HS6ST3: variants seen among roughly 807,000 people sequenced by gnomAD.
HS6ST3 encodes the protein heparan sulfate 6-O-sulfotransferase 3.
In HS6ST3, 12 loss-of-function variants were observed where a neutral mutation model predicts 36.7. The ratio of observed to expected loss-of-function variants is 0.33; its 90% CI spans 0.21 to 0.53. The LOEUF is 0.53. HS6ST3 is among the 20% of genes least tolerant of loss of function. HS6ST3 has a pLI of 0.95. For synonymous variants in HS6ST3, 240 were observed against 257.5 expected (o/e 0.93, Z 0.65); for missense variants, 584 against 640.9 (o/e 0.91, Z 0.96).
At chr13:96,599,066 G>C (rs899049920) in intron 1 of HS6ST3, among the ~76,000 whole-genome samples, 1 of 152,198 alleles carries the variant, frequency 6.6e-6, no homozygotes, top group East Asian at 1.9e-4. Flanking sequence ...GATTCAGTTT[G>C]CTAGTATTTT....
chr13:96,750,935 T>C (rs1047245260), intron 1 of HS6ST3, among the ~76,000 whole-genome samples: 1 of 152,212 alleles, frequency 6.6e-6, no homozygotes, highest in African/African-American at 2.4e-5. Flanking sequence ...TCATACACTA[T>C]AGAGAATATA....
intron 1 of HS6ST3, among the ~76,000 whole-genome samples, chr13:96,192,263 A>G (rs2054291690): frequency 6.6e-6 from 1 of 152,180 alleles, no homozygotes; most frequent in Non-Finnish European, 1.5e-5. Context: ...ATATATGTTG[A>G]CCAAATATGA....
rs548223156 is a variant in HS6ST3, at chr13:96,215,626, T to TA, written c.707+124064dup. Among the ~76,000 whole-genome samples, 16 of 152,310 alleles carry TA rather than the reference T, an allele frequency of 1.1e-4. No homozygotes were observed. The South Asian group carries it at 3.1e-3, about 30-fold the overall frequency. On this transcript the variant is annotated intron_variant, in intron 1 of 1. Coordinates refer to ENST00000376705, the MANE Select transcript of HS6ST3 (RefSeq NM_153456.4). ...TTTGTAGTTTCAATTTCTTTGTTGT[T>TA]AAAAAAAGCTTTTTTTCTGTTGAAT...
At chr13:96,240,410 G>A (rs961607737) in intron 1 of HS6ST3, among the ~76,000 whole-genome samples, 2 of 152,188 alleles carry the variant, frequency 1.3e-5, no homozygotes, top group Non-Finnish European at 2.9e-5. Flanking sequence ...CTATTGCTAA[G>A]AATGGTGGCT....
At chr13:96,691,739 G>T (rs1874966267) in intron 1 of HS6ST3, among the ~76,000 whole-genome samples, 1 of 151,916 alleles carries the variant, frequency 6.6e-6, no homozygotes, top group Admixed American at 6.6e-5. Flanking sequence ...AAGATAAATA[G>T]CAAATTTGGA....
chr13:96,674,010 C>T (rs2056690845), intron 1 of HS6ST3, among the ~76,000 whole-genome samples: 2 of 152,082 alleles, frequency 1.3e-5, no homozygotes, highest in Non-Finnish European at 2.9e-5. Flanking sequence ...AAGCCAATCA[C>T]AATGTGAGTC....
rs192692988 is a variant in HS6ST3, at chr13:96,489,943, A to C, written c.708-342547A>C. ...TGCCCTCTTCCTTCTTATGTGCAAA[A>C]ATAAATTTCATTCTATTTTCTTATG... On this transcript the variant is annotated intron_variant, in intron 1 of 1. Transcript: ENST00000376705. 1.8e-4 allele frequency among the ~76,000 whole-genome samples: 28 copies of C among 152,184 alleles called. 1 individual carries two copies. In the East Asian group the frequency reaches 5.0e-3, roughly 27 times the overall value.
At chr13:96,327,616 T>C (rs2055040065) in intron 1 of HS6ST3, among the ~76,000 whole-genome samples, 1 of 151,898 alleles carries the variant, frequency 6.6e-6, no homozygotes, top group Non-Finnish European at 1.5e-5. Context: ...GGTAGCGTGA[T>C]GCCTCCAGCT....
intron 1 of HS6ST3, among the ~76,000 whole-genome samples, chr13:96,720,682 A>G (rs557169431): frequency 1.3e-3 from 199 of 152,306 alleles, no homozygotes; most frequent in Non-Finnish European, 2.0e-3. Context: ...TAGACGCAAC[A>G]TGTACTGCGA....
chr13:96,235,010 A>G (rs1258707727), intron 1 of HS6ST3, among the ~76,000 whole-genome samples: 1 of 152,164 alleles, frequency 6.6e-6, no homozygotes, highest in Non-Finnish European at 1.5e-5. Flanking sequence ...AATAACCCAA[A>G]TTTGGAAACA....
At chr13:96,150,266 T>C (rs1216692079) in intron 1 of HS6ST3, among the ~76,000 whole-genome samples, 1 of 152,110 alleles carries the variant, frequency 6.6e-6, no homozygotes, top group Admixed American at 6.5e-5. Flanking sequence ...TGTGTGCTAA[T>C]TGGTCCATGG....
intron 1 of HS6ST3, among the ~76,000 whole-genome samples, chr13:96,244,249 A>G (rs549137789): frequency 6.6e-6 from 1 of 152,258 alleles, no homozygotes; most frequent in East Asian, 1.9e-4. Flanking sequence ...AAATTCTTGA[A>G]CTGCAACTGA....
intron 1 of HS6ST3, among the ~76,000 whole-genome samples, chr13:96,392,479 T>G (rs914281833): frequency 1.3e-5 from 2 of 152,066 alleles, no homozygotes; most frequent in Admixed American, 1.3e-4. Flanking sequence ...CACGACCCCA[T>G]GAGCACTTGG....
chr13:96,426,997 A>C (rs1276757046), intron 1 of HS6ST3, among the ~76,000 whole-genome samples: 1 of 152,226 alleles, frequency 6.6e-6, no homozygotes, highest in African/African-American at 2.4e-5. Context: ...AGGTCCAATC[A>C]AATCTTGAAA....
intron 1 of HS6ST3, among the ~76,000 whole-genome samples, chr13:96,463,197 C>G (rs1383250819): frequency 6.6e-6 from 1 of 151,966 alleles, no homozygotes; most frequent in Non-Finnish European, 1.5e-5. Flanking sequence ...CAAGAAGAAG[C>G]TGAAGGTAAG....
chr13:96,370,219 G>A (rs2055282941), intron 1 of HS6ST3, among the ~76,000 whole-genome samples: 1 of 152,186 alleles, frequency 6.6e-6, no homozygotes, highest in South Asian at 2.1e-4. Flanking sequence ...AACCCCGAGT[G>A]ATTCTAATAT....
chr13:96,245,778 T>G (rs926952991), intron 1 of HS6ST3, among the ~76,000 whole-genome samples: 9 of 152,160 alleles, frequency 5.9e-5, no homozygotes, highest in African/African-American at 1.9e-4. Flanking sequence ...CTACTGCTCA[T>G]GCTAGGTTTT....
intron 1 of HS6ST3, among the ~76,000 whole-genome samples, chr13:96,808,070 C>G (rs952029939): frequency 4.6e-5 from 7 of 151,844 alleles, no homozygotes; most frequent in Admixed American, 4.6e-4. Flanking sequence ...TTTGACTGGA[C>G]GGTGCCAAAA....
chr13:96,758,718 G>A (rs1876892705), intron 1 of HS6ST3, among the ~76,000 whole-genome samples: 1 of 151,828 alleles, frequency 6.6e-6, no homozygotes, highest in Admixed American at 6.6e-5. Context: ...CCTCTGTGGT[G>A]ACAGCTATTC....
Sources: allele counts gnomAD v4.1 joint callset (sites outside exome capture counted in the v4.1 genomes callset), GRCh38; gene constraint gnomAD v4.1.1; transcripts MANE v1.5; gene names NCBI Gene and HGNC (gene_info 2026-07-23, HGNC 2026-07-21).